The following CD96 variants were observed in gnomAD, a reference collection of about 807,000 sequenced individuals.
CD96 encodes T-cell surface protein tactile.
Under a neutral mutation model 71.3 loss-of-function variants are expected in CD96, and 70 were observed. The observed-to-expected ratio is 0.98, with a 90% confidence interval of 0.81 to 1.20. The LOEUF (loss-of-function observed/expected upper bound fraction) is 1.20, where lower values mean the gene tolerates loss of function less well. Ranked by LOEUF, CD96 falls within the 50% of genes most tolerant of loss-of-function variation. The pLI is 0.00. For synonymous variants in CD96, 248 were observed against 233.0 expected, an observed-to-expected ratio of 1.06 and a Z score of -0.59; for missense variants, 742 against 677.5, an observed-to-expected ratio of 1.10 and a Z score of -1.06.
chr3:111,555,306 A>G (rs1284954109), intron 2 of CD96, among the ~76,000 whole-genome samples: 12 of 152,384 alleles, frequency 7.9e-5, no homozygotes, highest in African/African-American at 2.6e-4. Flanking sequence ...TTACTCACGT[A>G]TTTACCATTT....
intron 3 of CD96, among the ~76,000 whole-genome samples, chr3:111,573,285 C>T: frequency 6.6e-6 from 1 of 152,186 alleles, no homozygotes; most frequent in East Asian, 1.9e-4. Context: ...AATTTCAGTT[C>T]AGTCCAATAA....
Position 111,570,828 on chromosome 3 carries a change from C to T in CD96, c.543+3181C>T, listed in dbSNP as rs536134564. 1.4e-5 allele frequency: 23 copies of T among 1,613,134 alleles called. No individual in the cohort carries two copies. In the South Asian group the frequency reaches 2.5e-4, roughly 18 times the overall value. On this transcript the variant is annotated intron_variant, in intron 3 of 13. Transcript: ENST00000352690. ...CCCTGGAGGCACCGGGATGGGGGAC[C>T]CCAGGCTTGTGGCTCCAGGGTGCAA...
intron 8 of CD96, among the ~76,000 whole-genome samples, chr3:111,618,780 C>G (rs1938375715): frequency 6.6e-6 from 1 of 151,810 alleles, no homozygotes; most frequent in South Asian, 2.1e-4. Context: ...ACCGTGTTAG[C>G]CAGGATGGTC....
At chr3:111,615,272 G>T (rs1938171931) in intron 8 of CD96, among the ~76,000 whole-genome samples, 1 of 152,220 alleles carries the variant, frequency 6.6e-6, no homozygotes, top group Non-Finnish European at 1.5e-5. Flanking sequence ...CTTAGCAATA[G>T]TGTGATGGAT....
chr3:111,633,477 CA>C (rs1274087899), intron 10 of CD96, among the ~76,000 whole-genome samples: 1 of 152,118 alleles, frequency 6.6e-6, no homozygotes, highest in East Asian at 1.9e-4. Context: ...ACTTGCTTGA[CA>C]CAGGGTTGCC....
intron 12 of CD96, among the ~76,000 whole-genome samples, chr3:111,638,817 C>T (rs943071338): frequency 4.6e-5 from 7 of 152,104 alleles, no homozygotes; most frequent in Admixed American, 1.3e-4. Context: ...TTGCACACGT[C>T]GTGGCAATAA....
chr3:111,592,576 T>C (rs181826926), intron 5 of CD96, among the ~76,000 whole-genome samples: 1 of 142,186 alleles, frequency 7.0e-6, no homozygotes, highest in Non-Finnish European at 1.5e-5. Context: ...GAGCACTGTC[T>C]CTCTTCCCCA....
At chr3:111,577,408 TCTC>T (rs1936267304) in intron 3 of CD96, 4 of 871,242 alleles carry the variant, frequency 4.6e-6, no homozygotes, top group Non-Finnish European at 8.0e-6. Context: ...TCCACTTTCT[TCTC>T]CTGTCCCCAC....
chr3:111,588,962 T>C (rs1936843661), intron 5 of CD96, among the ~76,000 whole-genome samples: 1 of 150,400 alleles, frequency 6.6e-6, no homozygotes, highest in South Asian at 2.1e-4. Flanking sequence ...TTCTTTTTTT[T>C]TTTTTTTGAG....
At chr3:111,583,638 G>A (rs561935563) in intron 4 of CD96, among the ~76,000 whole-genome samples, 9 of 152,316 alleles carry the variant, frequency 5.9e-5, no homozygotes, top group South Asian at 2.1e-4. Context: ...TTCTCTGCAC[G>A]CACAGGCTCA....
intron 14 of CD96, among the ~76,000 whole-genome samples, chr3:111,661,745 G>A (rs1940364281): frequency 6.6e-6 from 1 of 152,242 alleles, no homozygotes; most frequent in South Asian, 2.1e-4. Context: ...CTCCGCCCCT[G>A]TGATTCTGCT....
chr3:111,552,279 C>T (rs1934752667), intron 2 of CD96, among the ~76,000 whole-genome samples: 1 of 151,934 alleles, frequency 6.6e-6, no homozygotes, highest in East Asian at 1.9e-4. Flanking sequence ...TGTTTGTCCC[C>T]CTCTTTTCTC....
At chr3:111,641,366 C>T (rs955519743) in intron 12 of CD96, among the ~76,000 whole-genome samples, 9 of 152,182 alleles carry the variant, frequency 5.9e-5, no homozygotes. Context: ...TCAGACAAAA[C>T]AAACTTTAAA....
rs1192555712 is a variant in CD96, at chr3:111,606,748, C to A, written c.1136C>A (p.Thr379Asn). 6.2e-7 allele frequency: 1 copy of A among 1,607,242 alleles called. No homozygotes were observed. Among genetic ancestry groups the A allele is most frequent in the South Asian group, 1.1e-5 (1 of 90,922 alleles). ...CCTCCACTGAGTGTTACAGAATCTA[C>A]CCTTGACACCCAACCTTCTCCAGCC... ...TDPPLSVTES[T>N]LDTQPSPASS... The change falls in exon 8 of 14, where the codon ACC becomes AAC. Residue 379 changes from threonine (T) to asparagine (N), a missense_variant. Physicochemically the swap from Thr to Asn is moderately conservative, Grantham distance 65 (BLOSUM62 0). Coordinates refer to ENST00000352690, the MANE Select transcript of CD96 (RefSeq NM_005816.5).
intron 6 of CD96, among the ~76,000 whole-genome samples, chr3:111,598,554 C>A (rs1016019706): frequency 2.6e-5 from 4 of 152,286 alleles, no homozygotes; most frequent in Non-Finnish European, 5.9e-5. Context: ...ACATAGCTAC[C>A]TGTTTTTCCA....
chr3:111,579,155 T>C lies in CD96; in HGVS notation c.672T>C (p.Asp224=). Residue 224 remains aspartate, a synonymous_variant, in exon 4 of 14, where the codon GAT becomes GAC. Coordinates refer to ENST00000352690, the MANE Select transcript of CD96 (RefSeq NM_005816.5). ...RLHLSPVQIF[D]DGRKFSCHIR... ...ACCTCTCTCCAGTCCAAATCTTCGA[T>C]GATGGGCGGAAGTTCTCTTGCCACA... 1 of 1,608,206 alleles carries C rather than the reference T, an allele frequency of 6.2e-7. No individual in the cohort carries two copies. The highest frequency in any genetic ancestry group is 8.5e-7 in the Non-Finnish European group (1 of 1,174,486).
At chr3:111,555,975 G>A (rs1375016245) in intron 2 of CD96, among the ~76,000 whole-genome samples, 1 of 152,270 alleles carries the variant, frequency 6.6e-6, no homozygotes, top group Non-Finnish European at 1.5e-5. Flanking sequence ...TCTCCCTTGA[G>A]ATTAGATAAT....
At chr3:111,584,848 A>G (rs1441280627) in intron 4 of CD96, among the ~76,000 whole-genome samples, 1 of 152,118 alleles carries the variant, frequency 6.6e-6, no homozygotes, top group African/African-American at 2.4e-5. Context: ...CATGTAGAAC[A>G]TTGCTCTTTT....
chr3:111,593,529 A>G (rs752101088), intron 5 of CD96: 124 of 1,509,782 alleles, frequency 8.2e-5, no homozygotes, highest in Non-Finnish European at 1.1e-4. Flanking sequence ...TTCAGAATAG[A>G]TTCTCCAAGC....
Sources: gnomAD v4.1 joint callset for allele counts (sites outside exome capture counted in the v4.1 genomes callset) on GRCh38, gnomAD v4.1.1 for gene constraint, MANE v1.5 for transcripts, NCBI Gene and HGNC (gene_info 2026-07-23, HGNC 2026-07-21) for gene names.